SCCPDH: variants seen among roughly 807,000 people sequenced by gnomAD.
SCCPDH encodes saccharopine dehydrogenase (putative).
A neutral mutation model predicts 51.5 loss-of-function variants in SCCPDH; 34 were observed. The ratio of observed to expected loss-of-function variants is 0.66; its 90% CI spans 0.50 to 0.88. SCCPDH has a LOEUF of 0.88. SCCPDH is among the 40% of genes least tolerant of loss of function. SCCPDH has a pLI of 0.00. For synonymous variants in SCCPDH, 187 were observed against 191.3 expected, an observed-to-expected ratio of 0.98 and a Z score of 0.19; for missense variants, 464 against 527.1, an observed-to-expected ratio of 0.88 and a Z score of 1.17.
intron 4 of SCCPDH, 104 bp downstream of exon 4, chr1:246,740,405 G>A: frequency 1.0e-6 from 1 of 957,214 alleles, no homozygotes; most frequent in Non-Finnish European, 1.5e-6. Context: ...AAGAAACATA[G>A]CCATAAATGG....
intron 1 of SCCPDH, 21 bp downstream of exon 1, chr1:246,724,633 G>T: frequency 6.9e-7 from 1 of 1,440,714 alleles, no homozygotes; most frequent in Non-Finnish European, 9.0e-7. Context: ...GGGGCGGGAC[G>T]GGGCTGCGCG....
chr1:246,766,007 A>G (rs777417497), intron 10 of SCCPDH, 51 bp from the exon 11 acceptor site: 8 of 1,194,610 alleles, frequency 6.7e-6, no homozygotes, highest in Non-Finnish European at 8.5e-6. Context: ...ATGTTGTTGA[A>G]TGGGTACTTC....
At chr1:246,730,225 A>G (rs571577094) in intron 2 of SCCPDH, among the ~76,000 whole-genome samples, 13 of 152,122 alleles carry the variant, frequency 8.5e-5, no homozygotes, top group Non-Finnish European at 1.8e-4. Context: ...TACTCTGCTA[A>G]AGTCCCACCC....
chr1:246,727,608 A>G (rs1363873419), intron 2 of SCCPDH, among the ~76,000 whole-genome samples: 1 of 152,216 alleles, frequency 6.6e-6, no homozygotes, highest in African/African-American at 2.4e-5. Context: ...AGGTCCTGGC[A>G]TATTGGTGTT....
intron 3 of SCCPDH, among the ~76,000 whole-genome samples, chr1:246,738,780 G>A (rs542670942): frequency 9.6e-4 from 146 of 152,264 alleles, no homozygotes; most frequent in Admixed American, 3.1e-3. Flanking sequence ...TTGAACCCGC[G>A]AGGTGGAGGT....
intron 9 of SCCPDH, among the ~76,000 whole-genome samples, chr1:246,762,937 G>T (rs1669039981): frequency 6.6e-6 from 1 of 151,948 alleles, no homozygotes; most frequent in Non-Finnish European, 1.5e-5. Context: ...AGTAGGTCTG[G>T]AGTGGGGCCT....
At chr1:246,765,451 C>T (rs935711256) in intron 10 of SCCPDH, among the ~76,000 whole-genome samples, 4 of 152,192 alleles carry the variant, frequency 2.6e-5, no homozygotes, top group Admixed American at 6.5e-5. Context: ...TCTGAAATTC[C>T]CACCTGACTT....
intron 2 of SCCPDH, among the ~76,000 whole-genome samples, chr1:246,730,322 ATCT>A (rs1668472638): frequency 6.6e-6 from 1 of 152,128 alleles, no homozygotes; most frequent in African/African-American, 2.4e-5. Context: ...CTACGTTGTC[ATCT>A]TCTCGTAGTT....
chr1:246,749,847 G>T (rs890833747), intron 5 of SCCPDH, among the ~76,000 whole-genome samples: 9 of 152,182 alleles, frequency 5.9e-5, no homozygotes, highest in African/African-American at 2.2e-4. Context: ...TTTCTAAAGT[G>T]TAGATTTGCC....
intron 9 of SCCPDH, among the ~76,000 whole-genome samples, chr1:246,760,677 A>G (rs372301527): frequency 2.3e-4 from 35 of 152,212 alleles, no homozygotes; most frequent in African/African-American, 8.2e-4. Context: ...AGCATCCCCA[A>G]CAATAGGACT....
intron 5 of SCCPDH, among the ~76,000 whole-genome samples, chr1:246,746,257 A>G (rs189238216): frequency 1.8e-3 from 268 of 152,096 alleles, no homozygotes; most frequent in Admixed American, 6.0e-3. Context: ...ACGTGAGAGG[A>G]TCGTGATTGA....
At position 246,736,147 on chromosome 1, in the gene SCCPDH, T is replaced by C. The variant is rs936323047; in HGVS notation, c.384+92T>C. On this transcript the variant is annotated intron_variant, in intron 3 of 11. Transcript: ENST00000366510. ...TTTAGTGTAATTTTGCAGACATATT[T>C]AGAAGCCGACAACTCCTTTCTAGCA... The C allele has an allele frequency of 3.7e-6, 3 of 805,780 alleles. No homozygotes were observed. In the African/African-American group the frequency reaches 5.2e-5, roughly 14 times the overall value. The allele number at this position is 805,780 out of a possible 1,614,324, so 49.9% of individuals were successfully genotyped here.
At chr1:246,732,530 G>A (rs1668506913) in intron 2 of SCCPDH, among the ~76,000 whole-genome samples, 1 of 152,074 alleles carries the variant, frequency 6.6e-6, no homozygotes, top group South Asian at 2.1e-4. Flanking sequence ...TGGAACTACA[G>A]GCTCATGCCG....
At chr1:246,745,609 G>A (rs1300495227) in intron 5 of SCCPDH, among the ~76,000 whole-genome samples, 1 of 152,162 alleles carries the variant, frequency 6.6e-6, no homozygotes, top group Non-Finnish European at 1.5e-5. Flanking sequence ...TGTGAAGGAA[G>A]AGGAAATAGT....
At chr1:246,759,418 C>A (rs1668980322) in intron 7 of SCCPDH, among the ~76,000 whole-genome samples, 1 of 152,164 alleles carries the variant, frequency 6.6e-6, no homozygotes, top group Non-Finnish European at 1.5e-5. Context: ...ATAAGCACCC[C>A]AGAATCCCTG....
At chr1:246,745,755 A>G (rs559469888) in intron 5 of SCCPDH, among the ~76,000 whole-genome samples, 121 of 152,334 alleles carry the variant, frequency 7.9e-4, no homozygotes, top group Non-Finnish European at 1.9e-4. Context: ...CAGACTCTTT[A>G]GTAGAGTATA....
At chr1:246,758,486 C>A in intron 6 of SCCPDH, 130 bp downstream of exon 6, 1 of 581,928 alleles carries the variant, frequency 1.7e-6, no homozygotes, top group Non-Finnish European at 2.8e-6. Flanking sequence ...ATTGTTTTCA[C>A]AGATAAATAA....
At chr1:246,753,933 C>A (rs1380862198) in intron 5 of SCCPDH, among the ~76,000 whole-genome samples, 1 of 151,822 alleles carries the variant, frequency 6.6e-6, no homozygotes, top group Non-Finnish European at 1.5e-5. Context: ...TTGGTCCTTT[C>A]ATTATCCTTC....
At chr1:246,760,323 C>G in intron 9 of SCCPDH, 96 bp downstream of exon 9, 1 of 969,320 alleles carries the variant, frequency 1.0e-6, no homozygotes, top group Non-Finnish European at 1.6e-6. Flanking sequence ...TTCAGATACT[C>G]TTTTAAGTTC....
Sources: gnomAD v4.1 joint callset for allele counts (sites outside exome capture counted in the v4.1 genomes callset) on GRCh38, gnomAD v4.1.1 for gene constraint, MANE v1.5 for transcripts, NCBI Gene and HGNC (gene_info 2026-07-23, HGNC 2026-07-21) for gene names.